Variants in GABRG3 observed in about 807,000 individuals in gnomAD.
GABRG3 encodes the protein gamma-aminobutyric acid type A receptor subunit gamma3.
GABRG3 carries 25 observed loss-of-function variants against 48.8 expected under a neutral mutation model. The ratio of observed to expected loss-of-function variants is 0.51; its 90% CI spans 0.37 to 0.72. The LOEUF is 0.72. GABRG3 is among the 30% of genes least tolerant of loss of function. GABRG3 has a pLI of 0.00. For synonymous variants in GABRG3, 227 were observed against 217.6 expected (o/e 1.04, Z -0.38); for missense variants, 394 against 577.9 (o/e 0.68, Z 3.26).
chr15:27,392,499 TA>T (rs1489444796), intron 5 of GABRG3, among the ~76,000 whole-genome samples: 1 of 152,216 alleles, frequency 6.6e-6, no homozygotes, highest in Non-Finnish European at 1.5e-5. Context: ...CTCATCATAC[TA>T]TCAATGCAAC....
intron 5 of GABRG3, among the ~76,000 whole-genome samples, chr15:27,347,903 GTGGTTGCAGTTGTCTGA>G (rs1370609744): frequency 6.6e-6 from 1 of 152,128 alleles, no homozygotes. Flanking sequence ...GGGTTTCCCT[GTGGTTGCAGTTGTCTGA>G]TGGGTTCAAG....
intron 3 of GABRG3, among the ~76,000 whole-genome samples, chr15:27,225,478 G>A (rs1055595796): frequency 3.3e-5 from 5 of 152,064 alleles, no homozygotes; most frequent in African/African-American, 9.7e-5. Flanking sequence ...TTATAAAGTC[G>A]GAGTAAGTTT....
At chr15:27,411,593 G>A (rs1301722078) in intron 5 of GABRG3, among the ~76,000 whole-genome samples, 1 of 152,076 alleles carries the variant, frequency 6.6e-6, no homozygotes, top group Admixed American at 6.5e-5. Context: ...AACTTTTGTT[G>A]CTACTGTTAC....
At chr15:27,497,286 T>C (rs567372972) in intron 6 of GABRG3, among the ~76,000 whole-genome samples, 2 of 152,350 alleles carry the variant, frequency 1.3e-5, no homozygotes, top group Non-Finnish European at 2.9e-5. Flanking sequence ...CTCTGAGTTC[T>C]TAACTTGGGT....
chr15:27,027,022 C>T (rs1441406528), intron 3 of GABRG3: 7 of 452,910 alleles, frequency 1.5e-5, no homozygotes, highest in Admixed American at 4.0e-5. Flanking sequence ...AGCATTTCCA[C>T]TTTTAGTTTC....
chr15:27,007,503 C>T (rs1895608827), intron 2 of GABRG3, among the ~76,000 whole-genome samples: 1 of 152,220 alleles, frequency 6.6e-6, no homozygotes, highest in Non-Finnish European at 1.5e-5. Context: ...CTACTTTCCA[C>T]AGTGGCTGAA....
At chr15:27,302,093 A>G (rs890430691) in intron 3 of GABRG3, among the ~76,000 whole-genome samples, 18 of 152,172 alleles carry the variant, frequency 1.2e-4, no homozygotes, top group African/African-American at 4.1e-4. Context: ...TTGGAGCATC[A>G]GAAATGAAGG....
At chr15:27,303,340 A>G (rs1892277008) in intron 3 of GABRG3, among the ~76,000 whole-genome samples, 1 of 151,862 alleles carries the variant, frequency 6.6e-6, no homozygotes, top group South Asian at 2.1e-4. Context: ...AATAACTTCA[A>G]CAACTTAGAT....
intron 3 of GABRG3, among the ~76,000 whole-genome samples, chr15:27,209,617 G>T (rs1433898957): frequency 6.6e-6 from 1 of 152,172 alleles, no homozygotes; most frequent in Non-Finnish European, 1.5e-5. Flanking sequence ...CTTGGGTGCT[G>T]GGCTGTGCCC....
chr15:27,511,466 A>G (rs929302910), intron 6 of GABRG3, among the ~76,000 whole-genome samples: 1 of 152,246 alleles, frequency 6.6e-6, no homozygotes, highest in African/African-American at 2.4e-5. Flanking sequence ...CTATACTGCT[A>G]CTAACCATGG....
At chr15:27,040,978 C>T (rs79108611) in intron 3 of GABRG3, among the ~76,000 whole-genome samples, 16,058 of 152,060 alleles carry the variant, frequency 0.11, 1,036 homozygotes, top group East Asian at 0.23. Flanking sequence ...GAGGTGTGCT[C>T]GTGCGGGGAG....
intron 6 of GABRG3, among the ~76,000 whole-genome samples, chr15:27,518,388 C>A (rs1433390865): frequency 3.1e-5 from 3 of 97,406 alleles, no homozygotes; most frequent in Admixed American, 1.1e-4. Flanking sequence ...AAAAATGGGA[C>A]ATCAGTGATA....
intron 5 of GABRG3, among the ~76,000 whole-genome samples, chr15:27,388,143 T>G (rs202210618): frequency 0.013 from 332 of 25,278 alleles, no homozygotes; most frequent in Middle Eastern, 0.042. Context: ...GGAGGGAGGG[T>G]AAGGAAGGAA....
intron 5 of GABRG3, among the ~76,000 whole-genome samples, chr15:27,330,530 G>T (rs1404831196): frequency 1.3e-5 from 2 of 152,198 alleles, no homozygotes; most frequent in African/African-American, 4.8e-5. Flanking sequence ...CCCTTGTTCT[G>T]TCATACTGTA....
chr15:27,232,791 A>T (rs1889840552), intron 3 of GABRG3, among the ~76,000 whole-genome samples: 1 of 152,248 alleles, frequency 6.6e-6, no homozygotes, highest in Admixed American at 6.5e-5. Flanking sequence ...TTAGTGAAAA[A>T]TGTTACCATT....
intron 3 of GABRG3, among the ~76,000 whole-genome samples, chr15:27,174,575 C>CTCTCG (rs1328567216): frequency 6.9e-6 from 1 of 144,296 alleles, no homozygotes; most frequent in African/African-American, 2.7e-5. Flanking sequence ...GTGACTGCCT[C>CTCTCG]TCTCTCTCGT....
chr15:27,287,973 G>T (rs1404468804), intron 3 of GABRG3, among the ~76,000 whole-genome samples: 1 of 152,064 alleles, frequency 6.6e-6, no homozygotes, highest in South Asian at 2.1e-4. Flanking sequence ...TCCTGACCTC[G>T]TGATCTGCCT....
intron 3 of GABRG3, among the ~76,000 whole-genome samples, chr15:27,248,824 AG>A (rs1269707086): frequency 6.2e-5 from 9 of 145,396 alleles, no homozygotes; most frequent in African/African-American, 2.0e-4. Flanking sequence ...AGAGAGAGAG[AG>A]AGAGAGAGAG....
rs1030581199 is a variant in GABRG3, at chr15:27,179,638, C to T, written c.271-147171C>T. Among the ~76,000 whole-genome samples, 2 of 152,290 alleles carry T rather than the reference C, an allele frequency of 1.3e-5. No individual in the cohort carries two copies. Among genetic ancestry groups the T allele is most frequent in the East Asian group, 3.9e-4 (2 of 5,182 alleles). ...CCAGACTACAAAGATGCACAGAACCCTCGAGTCCTGTTGTCCTGCCGGGGG... is the reference window on the plus strand; with the variant it reads ...CCAGACTACAAAGATGCACAGAACCTTCGAGTCCTGTTGTCCTGCCGGGGG... On this transcript the variant is annotated intron_variant, in intron 3 of 9. Coordinates refer to ENST00000615808, the MANE Select transcript of GABRG3 (RefSeq NM_033223.5). The surrounding 1 kb of genome is among the most constrained non-coding windows in gnomAD (Gnocchi z 4.0).
Sources: allele counts gnomAD v4.1 joint callset (sites outside exome capture counted in the v4.1 genomes callset), GRCh38; gene constraint gnomAD v4.1.1; non-coding constraint Gnocchi (gnomAD v3.1); transcripts MANE v1.5; gene names NCBI Gene and HGNC (gene_info 2026-07-23, HGNC 2026-07-21).